Variants in RRP12 observed in about 807,000 individuals in gnomAD.
RRP12 encodes the protein RRP12-like protein.
RRP12 carries 78 observed loss-of-function variants against 157.3 expected under a neutral mutation model. The ratio of observed to expected loss-of-function variants is 0.50; its 90% confidence interval spans 0.41 to 0.60. The LOEUF is 0.60. Ranked by LOEUF, RRP12 falls within the 20% of genes least tolerant of loss-of-function variation. The probability of loss-of-function intolerance (pLI) is 0.00; values close to 1 mark genes in which losing one functional copy is unlikely to be tolerated. For missense variants in RRP12, 1,521 were observed against 1,679.9 expected, an observed-to-expected ratio of 0.91 and a Z score of 1.65; for synonymous variants, 726 against 670.9, an observed-to-expected ratio of 1.08 and a Z score of -1.27.
At chr10:97,357,802 C>CA (rs1253745893) in intron 33 of RRP12, among the ~76,000 whole-genome samples, 1 of 151,424 alleles carries the variant, frequency 6.6e-6, no homozygotes, top group Non-Finnish European at 1.5e-5. Flanking sequence ...ACTAAAAATA[C>CA]AAAAAAATTA....
In RRP12 at chr10:97,369,551, C is replaced by T; in HGVS notation, c.2829G>A (p.Leu943=). ...CCAGAAGCAGGCACACATTCTCCAGCAGCTGCTCCACTGTACTGGTCCCCA... is the reference window on the plus strand; with the variant it reads ...CCAGAAGCAGGCACACATTCTCCAGTAGCTGCTCCACTGTACTGGTCCCCA... ...GLMGTSTVEQ[L]LENVCLLLAS... is the part of the protein sequence containing the mutation. Residue 943 remains leucine (L), a synonymous_variant, in exon 25 of 34, where the codon CTG becomes CTA. Transcript: ENST00000370992. 6.3e-7 allele frequency: 1 copy of T among 1,576,014 alleles called. No individual in the cohort carries two copies.
rs774086713 is a variant in RRP12, at chr10:97,373,032, C to T, written c.2181+14G>A. On this transcript the variant is annotated intron_variant, in intron 18 of 33. Coordinates refer to ENST00000370992, the MANE Select transcript of RRP12 (RefSeq NM_015179.4). ...GCTCCCCTCCTCCCTCCTTCCCTCC[C>T]TTCCGTGGCTCACCTGAGTGTCAGT... 2.5e-6 allele frequency: 4 copies of T among 1,601,894 alleles called. No individual in the cohort carries two copies. The South Asian group carries it at 3.3e-5, about 13-fold the overall frequency.
intron 5 of RRP12, 29 bp from the exon 6 acceptor site, chr10:97,390,568 C>G (rs769368507): frequency 6.4e-7 from 1 of 1,563,364 alleles, no homozygotes; most frequent in East Asian, 2.2e-5. Context: ...CCCTCAGTGC[C>G]ACCAGCCTCG....
At chr10:97,372,265 G>T in intron 19 of RRP12, 99 bp from the exon 20 acceptor site, 1 of 822,248 alleles carries the variant, frequency 1.2e-6, no homozygotes, top group Non-Finnish European at 2.0e-6. Flanking sequence ...GGTGGGAGAA[G>T]TCAGGGTGAG....
At position 97,381,808 on chromosome 10, in the gene RRP12, C is replaced by A. The variant is rs375473927; in HGVS notation, c.1227G>T (p.Gly409=). ...INLVRLQWDL[G]LGHLPRFFGT... is the part of the protein sequence containing the mutation. Reference sequence around the variant, plus strand: ...CAAAAAAGCGAGGGAGGTGGCCTAGCCCCAGGTCCCACTGCAACCTGTCAA... The same window carrying A: ...CAAAAAAGCGAGGGAGGTGGCCTAGACCCAGGTCCCACTGCAACCTGTCAA... Residue 409 remains glycine (G), a synonymous_variant, in exon 11 of 34, where the codon GGG becomes GGT. Coordinates refer to ENST00000370992, the MANE Select transcript of RRP12 (RefSeq NM_015179.4). 6.2e-6 allele frequency: 10 copies of A among 1,613,836 alleles called. No homozygotes were observed. In the African/African-American group the frequency reaches 1.3e-4, roughly 22 times the overall value.
intron 18 of RRP12, 66 bp from the exon 19 acceptor site, chr10:97,372,869 C>T: frequency 6.7e-7 from 1 of 1,494,026 alleles, no homozygotes; most frequent in Non-Finnish European, 9.1e-7. Flanking sequence ...GCAGCAATGG[C>T]AGCAGTCCCA....
intron 6 of RRP12, among the ~76,000 whole-genome samples, chr10:97,389,500 G>C (rs1844741010): frequency 6.6e-6 from 1 of 152,158 alleles, no homozygotes; most frequent in South Asian, 2.1e-4. Context: ...ACCGAGGGAA[G>C]GGGGCATGAG....
In RRP12 at chr10:97,366,453, T is replaced by A. The variant is rs1843982808; in HGVS notation, c.3384A>T (p.Arg1128=). 1 of 1,611,090 alleles carries A rather than the reference T, an allele frequency of 6.2e-7. No homozygotes were observed. The highest frequency in any genetic ancestry group is 1.3e-5 in the African/African-American group (1 of 74,834). Residue 1128 remains arginine (R), a synonymous_variant, in exon 28 of 34, where the codon CGA becomes CGT. Transcript: ENST00000370992. ...LNFLDPKVAQ[R]VLATQPGPGR... is the part of the protein sequence containing the mutation. ...GGCCAGCCCTGTGCTTACCCAGGAC[T>A]CGTTGGGCCACCTTGGGATCCAGGA...
rs753162421 is a variant in RRP12, at chr10:97,366,835, C to A, written c.3122G>T (p.Arg1041Leu). Residue 1041 changes from arginine (R) to leucine (L), a missense_variant, in exon 27 of 34, where the codon CGG (arginine) becomes CTG (leucine). Physicochemically the swap from Arg to Leu is moderately radical, Grantham distance 102. Transcript: ENST00000370992. ...VLVNIRKAEA[R>L]AKRHRALSQA... ...GCTCAGGGCTCGGTGCCTCTTGGCCCGGGCCTCAGCTTTCCGGATGTTGAC... is the reference window on the plus strand; with the variant it reads ...GCTCAGGGCTCGGTGCCTCTTGGCCAGGGCCTCAGCTTTCCGGATGTTGAC... 1.2e-6 allele frequency: 2 copies of A among 1,614,062 alleles called. No individual in the cohort carries two copies. Among genetic ancestry groups the A allele is most frequent in the African/African-American group, 2.7e-5 (2 of 74,938 alleles).
At chr10:97,393,490 A>G (rs968202997) in intron 4 of RRP12, 194 bp downstream of exon 4, 1 of 685,454 alleles carries the variant, frequency 1.5e-6, no homozygotes, top group Non-Finnish European at 2.7e-6. Context: ...AGGACAGCCT[A>G]GTTTAGTTAG....
At chr10:97,373,510 C>T (rs1374039128) in intron 17 of RRP12, 65 bp downstream of exon 17, 3 of 1,489,558 alleles carry the variant, frequency 2.0e-6, no homozygotes, top group South Asian at 1.3e-5. Context: ...GTGTAGCAAG[C>T]CAGGGGATGG....
At chr10:97,387,308 C>A (rs1844660054) in intron 8 of RRP12, among the ~76,000 whole-genome samples, 1 of 149,672 alleles carries the variant, frequency 6.7e-6, no homozygotes, top group South Asian at 2.1e-4. Flanking sequence ...ATTTTCTTTT[C>A]TTTTTCTTTC....
chr10:97,372,102 G>A lies in RRP12; in HGVS notation c.2314C>T (p.Leu772=), dbSNP rs763923787. 1 of 1,613,668 alleles carries A rather than the reference G, an allele frequency of 6.2e-7. No individual in the cohort carries two copies. The highest frequency in any genetic ancestry group is 1.1e-5 in the South Asian group (1 of 91,078). Residue 772 remains leucine, a synonymous_variant, in exon 20 of 34, where the codon CTA becomes TTA. Coordinates refer to ENST00000370992, the MANE Select transcript of RRP12 (RefSeq NM_015179.4). The part of the protein sequence containing the change: ...PCADEAAISK[L]YSTIRPYLES... ...AGGTAGGGCCGGATGGTGGAGTATAGCTTACTGATGGCAGCTTCGTCAGCA... is the reference window on the plus strand; with the variant it reads ...AGGTAGGGCCGGATGGTGGAGTATAACTTACTGATGGCAGCTTCGTCAGCA...
Position 97,373,850 on chromosome 10 carries a change from A to G in RRP12, c.1843T>C (p.Tyr615His), listed in dbSNP as rs1180598002. 1 of 1,613,808 alleles carries G rather than the reference A, an allele frequency of 6.2e-7. No individual in the cohort carries two copies. The highest frequency in any genetic ancestry group is 2.2e-5 in the East Asian group (1 of 44,874). The change falls in exon 16 of 34, where the codon TAC becomes CAC. Residue 615 changes from tyrosine to histidine, a missense_variant. Coordinates refer to ENST00000370992, the MANE Select transcript of RRP12 (RefSeq NM_015179.4). ...QAGSTVESKI[Y>H]DTLQWQMWTL... is the part of the protein sequence containing the mutation. ...CTTACCTGCCACTGGAGTGTGTCGT[A>G]GATCTTAGATTCCACTGTGCTGCCT...
chr10:97,379,497 G>A (rs927185828), intron 14 of RRP12, 83 bp from the exon 15 acceptor site: 4 of 1,597,354 alleles, frequency 2.5e-6, no homozygotes, highest in Admixed American at 1.7e-5. Context: ...CCAGGACAGA[G>A]TAAGACCTCC....
intron 3 of RRP12, among the ~76,000 whole-genome samples, chr10:97,395,225 T>C (rs7903847): frequency 0.33 from 47,077 of 144,784 alleles, 7,628 homozygotes; most frequent in African/African-American, 0.42. Flanking sequence ...CACACACACA[T>C]ACATACATAC....
chr10:97,376,421 T>C lies in RRP12; in HGVS notation c.1799-2527A>G, dbSNP rs187768511. 9.0e-3 allele frequency among the ~76,000 whole-genome samples: 1,371 copies of C among 151,758 alleles called. 27 individuals carry two copies. The highest frequency in any genetic ancestry group is 0.031 in the African/African-American group (1,299 of 41,396). On this transcript the variant is annotated intron_variant, in intron 15 of 33. Coordinates refer to ENST00000370992, the MANE Select transcript of RRP12 (RefSeq NM_015179.4). ...GTAGAGACGGGGTTTCTCCATGTTG[T>C]TTAGGCTGGTCTCGAACTCCTGACC...
intron 29 of RRP12, among the ~76,000 whole-genome samples, chr10:97,365,305 G>A (rs1190810775): frequency 1.4e-5 from 2 of 138,842 alleles, no homozygotes; most frequent in Non-Finnish European, 3.0e-5. Flanking sequence ...ACAGAGTTTC[G>A]CTCTGTCACC....
rs949086851 is a variant in RRP12 at position 97,367,733 on chromosome 10, G to A, written c.2956-601C>T. Among the ~76,000 whole-genome samples, 73 of 152,104 alleles carry A rather than the reference G, an allele frequency of 4.8e-4. 1 individual carries two copies. Among genetic ancestry groups the A allele is most frequent in the South Asian group, 2.1e-4 (1 of 4,828 alleles). ...AAACCGGCTAGGGGATAGGGTCCAC[G>A]TCTACTCCTTTTTTTTGAGATGGAG... On this transcript the variant is annotated intron_variant, in intron 25 of 33. Transcript: ENST00000370992.
Sources: gnomAD v4.1 joint callset for allele counts (sites outside exome capture counted in the v4.1 genomes callset) on GRCh38, gnomAD v4.1.1 for gene constraint, MANE v1.5 for transcripts, NCBI Gene and HGNC (gene_info 2026-07-23, HGNC 2026-07-21) for gene names.